ATRNL1: variants seen among roughly 807,000 people sequenced by gnomAD.
ATRNL1 encodes the protein attractin like 1, also known as attractin-like protein 1.
Under a neutral mutation model 182.7 loss-of-function variants are expected in ATRNL1, and 95 were observed. That is an observed-to-expected ratio of 0.52 (90% CI 0.44 to 0.62). ATRNL1 has a LOEUF of 0.62. ATRNL1 is among the 20% of genes least tolerant of loss of function. The pLI is 0.00. For missense variants in ATRNL1, 1,471 were observed against 1,679.5 expected, an observed-to-expected ratio of 0.88 and a Z score of 2.17; for synonymous variants, 576 against 568.3, an observed-to-expected ratio of 1.01 and a Z score of -0.19.
At chr10:115,914,205 C>A (rs2134536066) in intron 28 of ATRNL1, among the ~76,000 whole-genome samples, 1 of 152,246 alleles carries the variant, frequency 6.6e-6, no homozygotes, top group African/African-American at 2.4e-5. Flanking sequence ...TGAAGCCTCC[C>A]CAGCCATGTA....
intron 20 of ATRNL1, among the ~76,000 whole-genome samples, chr10:115,407,293 C>T (rs1844877691): frequency 6.6e-6 from 1 of 152,020 alleles, no homozygotes; most frequent in Non-Finnish European, 1.5e-5. Flanking sequence ...TAACTATAGT[C>T]CTCTTAAAGT....
At chr10:115,739,121 C>T (rs939945122) in intron 27 of ATRNL1, among the ~76,000 whole-genome samples, 2 of 151,918 alleles carry the variant, frequency 1.3e-5, no homozygotes, top group African/African-American at 2.4e-5. Context: ...ACAGCAACAA[C>T]AAAAAACTGG....
chr10:115,133,089 A>G (rs1845331364), intron 5 of ATRNL1, among the ~76,000 whole-genome samples: 1 of 152,184 alleles, frequency 6.6e-6, no homozygotes, highest in Admixed American at 6.5e-5. Flanking sequence ...TCTTTAATTT[A>G]TCTTGAATTA....
intron 19 of ATRNL1, among the ~76,000 whole-genome samples, chr10:115,356,050 T>A (rs964747934): frequency 2.6e-5 from 4 of 152,156 alleles, no homozygotes; most frequent in Non-Finnish European, 4.4e-5. Flanking sequence ...AATACTTTAA[T>A]ACACACACTA....
intron 19 of ATRNL1, among the ~76,000 whole-genome samples, chr10:115,347,142 A>G (rs1250765016): frequency 1.3e-5 from 2 of 152,126 alleles, no homozygotes; most frequent in Non-Finnish European, 2.9e-5. Flanking sequence ...TTTCACATTA[A>G]TTTTTGTTAC....
intron 26 of ATRNL1, among the ~76,000 whole-genome samples, chr10:115,595,291 AGT>A (rs1332983596): frequency 1.3e-5 from 2 of 152,094 alleles, no homozygotes; most frequent in African/African-American, 4.8e-5. Context: ...AAAGGGGTCA[AGT>A]GTGAGACACT....
At chr10:115,367,569 C>T (rs551463611) in intron 19 of ATRNL1, among the ~76,000 whole-genome samples, 11 of 152,066 alleles carry the variant, frequency 7.2e-5, no homozygotes, top group African/African-American at 2.7e-4. Flanking sequence ...TGAGGAACTG[C>T]GTCCCTTTGG....
At chr10:115,464,704 C>G (rs984775161) in intron 22 of ATRNL1, among the ~76,000 whole-genome samples, 1 of 151,838 alleles carries the variant, frequency 6.6e-6, no homozygotes, top group Non-Finnish European at 1.5e-5. Flanking sequence ...TCATATTAAT[C>G]TCATCCAGCA....
At chr10:115,282,323 A>T (rs1054755287) in intron 14 of ATRNL1, among the ~76,000 whole-genome samples, 20 of 150,628 alleles carry the variant, frequency 1.3e-4, no homozygotes, top group Non-Finnish European at 2.8e-4. Context: ...TTAGTTACAT[A>T]TGTATACATG....
At chr10:115,674,432 A>G (rs1285257761) in intron 26 of ATRNL1, among the ~76,000 whole-genome samples, 1 of 152,078 alleles carries the variant, frequency 6.6e-6, no homozygotes, top group African/African-American at 2.4e-5. Context: ...GAGTTATTTT[A>G]CTACCTGGCC....
At chr10:115,215,612 ATTAAC>A (rs1849200190) in intron 8 of ATRNL1, 80 bp from the exon 9 acceptor site, 1 of 1,031,952 alleles carries the variant, frequency 9.7e-7, no homozygotes, top group East Asian at 2.8e-5. Context: ...TGTCATTAGA[ATTAAC>A]TTGTTGGTAT....
intron 9 of ATRNL1, among the ~76,000 whole-genome samples, chr10:115,222,315 G>A (rs1849499826): frequency 6.6e-6 from 1 of 152,088 alleles, no homozygotes; most frequent in Non-Finnish European, 1.5e-5. Flanking sequence ...AGAAATACAA[G>A]GAAGATGTGG....
intron 26 of ATRNL1, among the ~76,000 whole-genome samples, chr10:115,688,031 A>T (rs1555046874): frequency 2.0e-5 from 3 of 152,024 alleles, no homozygotes. Context: ...CCATGAAATC[A>T]AGTCTTTTAT....
chr10:115,106,581 A>G lies in ATRNL1; in HGVS notation c.293+12538A>G, dbSNP rs368435031. Reference sequence around the variant, plus strand: ...GATGTGTTATGTAAAGGAATTACCCAGCGGGAGGTAATTGAATCATGGGGG... The same window carrying G: ...GATGTGTTATGTAAAGGAATTACCCGGCGGGAGGTAATTGAATCATGGGGG... On this transcript the variant is annotated intron_variant, in intron 1 of 28. Coordinates refer to ENST00000355044, the MANE Select transcript of ATRNL1 (RefSeq NM_207303.4). Among the ~76,000 whole-genome samples, 9 of 152,322 alleles carry G rather than the reference A, an allele frequency of 5.9e-5. No homozygotes were observed. In the East Asian group the frequency reaches 1.4e-3, roughly 23 times the overall value.
At chr10:115,513,337 T>C (rs1214285803) in intron 24 of ATRNL1, among the ~76,000 whole-genome samples, 1 of 152,032 alleles carries the variant, frequency 6.6e-6, no homozygotes, top group Non-Finnish European at 1.5e-5. Context: ...TAAAAAGCGA[T>C]TTCTTGTCCC....
chr10:115,932,281 C>A (rs952692459), intron 28 of ATRNL1, among the ~76,000 whole-genome samples: 27 of 152,212 alleles, frequency 1.8e-4, no homozygotes, highest in Non-Finnish European at 7.3e-5. Context: ...TGTGTACTAT[C>A]AGGGTCCTGG....
chr10:115,905,684 T>G (rs1952483041), intron 28 of ATRNL1, among the ~76,000 whole-genome samples: 1 of 152,146 alleles, frequency 6.6e-6, no homozygotes, highest in South Asian at 2.1e-4. Flanking sequence ...GTGTAAATGG[T>G]CAACTCCAGT....
intron 24 of ATRNL1, among the ~76,000 whole-genome samples, chr10:115,470,688 G>T (rs1848267359): frequency 6.7e-6 from 1 of 150,226 alleles, no homozygotes; most frequent in Non-Finnish European, 1.5e-5. Flanking sequence ...TCTAAATTGG[G>T]TTTTTTTGAG....
At chr10:115,367,483 A>G (rs1321978009) in intron 19 of ATRNL1, among the ~76,000 whole-genome samples, 1 of 150,434 alleles carries the variant, frequency 6.6e-6, no homozygotes, top group Non-Finnish European at 1.5e-5. Context: ...CATAGCTCAG[A>G]GTAATTTGAT....
Sources: gnomAD v4.1 joint callset for allele counts (sites outside exome capture counted in the v4.1 genomes callset) on GRCh38, gnomAD v4.1.1 for gene constraint, MANE v1.5 for transcripts, NCBI Gene and HGNC (gene_info 2026-07-23, HGNC 2026-07-21) for gene names.